The following TMEM244 variants were observed in gnomAD, a reference collection of about 807,000 sequenced individuals.
The protein encoded by TMEM244 is transmembrane protein 244.
In TMEM244, 13 loss-of-function variants were observed where a neutral mutation model predicts 15.8. That is an observed-to-expected ratio of 0.82 (90% CI 0.53 to 1.30). The LOEUF (loss-of-function observed/expected upper bound fraction) is 1.30. Among genes scored for constraint, TMEM244 ranks in the 50% most tolerant of loss-of-function variants. TMEM244 has a pLI of 0.00. For missense variants in TMEM244, 161 were observed against 144.9 expected (o/e 1.11, Z -0.57); for synonymous variants, 45 against 48.7 (o/e 0.92, Z 0.32).
chr6:129,845,284 G>A (rs968556633), intron 2 of TMEM244, among the ~76,000 whole-genome samples: 1 of 152,096 alleles, frequency 6.6e-6, no homozygotes, highest in South Asian at 2.1e-4. Context: ...TATTTAAATT[G>A]GATGTGGATG....
chr6:129,833,404 T>A, intron 4 of TMEM244, 56 bp downstream of exon 4: 1 of 1,564,940 alleles, frequency 6.4e-7, no homozygotes, highest in South Asian at 1.2e-5. Flanking sequence ...AAGTGGTTTA[T>A]GTCCAACATC....
At chr6:129,857,317 T>C (rs1004641406) in intron 1 of TMEM244, among the ~76,000 whole-genome samples, 3 of 148,638 alleles carry the variant, frequency 2.0e-5, no homozygotes, top group East Asian at 2.0e-4. Context: ...TATGTGTGTA[T>C]ACACACACAC....
chr6:129,850,639 A>T (rs1364203861), intron 1 of TMEM244, among the ~76,000 whole-genome samples: 2 of 152,226 alleles, frequency 1.3e-5, no homozygotes, highest in African/African-American at 2.4e-5. Context: ...GTAATTTAAA[A>T]TTTTTTAATA....
At chr6:129,831,464 C>A in intron 4 of TMEM244, 78 bp from the exon 5 acceptor site, 1 of 970,508 alleles carries the variant, frequency 1.0e-6, no homozygotes, top group South Asian at 1.4e-5. Flanking sequence ...TCTGTTTGGT[C>A]AAATTATATC....
At chr6:129,860,104 C>CGTGT (rs757397083) in intron 1 of TMEM244, among the ~76,000 whole-genome samples, 3,362 of 140,646 alleles carry the variant, frequency 0.024, 116 homozygotes, top group African/African-American at 0.068. Context: ...CTCTGCAATG[C>CGTGT]GTGTGTGTGT....
intron 3 of TMEM244, among the ~76,000 whole-genome samples, chr6:129,841,793 A>G (rs9321187): frequency 0.37 from 56,559 of 151,900 alleles, 11,022 homozygotes; most frequent in South Asian, 0.5. Flanking sequence ...CAGTGTCCTT[A>G]CTAAAATTGA....
chr6:129,849,034 T>C (rs1031860199), intron 1 of TMEM244, among the ~76,000 whole-genome samples: 6 of 152,102 alleles, frequency 3.9e-5, no homozygotes, highest in African/African-American at 1.4e-4. Context: ...AACATGAGGA[T>C]TGTACTACAA....
At chr6:129,840,101 A>G (rs9385522) in intron 3 of TMEM244, among the ~76,000 whole-genome samples, 56,326 of 151,736 alleles carry the variant, frequency 0.37, 10,884 homozygotes, top group South Asian at 0.5. Context: ...TATGGAACCA[A>G]AAAAGAGCCC....
intron 3 of TMEM244, among the ~76,000 whole-genome samples, chr6:129,838,119 A>G (rs1413914491): frequency 6.6e-6 from 1 of 152,242 alleles, no homozygotes; most frequent in African/African-American, 2.4e-5. Flanking sequence ...TGGAATATAC[A>G]TTCTTCTCAG....
In TMEM244 at chr6:129,831,346, AG is replaced by A. The variant is rs1562194161; in HGVS notation, c.359del (p.Ala120ValfsTer2). 6.3e-7 allele frequency: 1 copy of A among 1,578,010 alleles called. No homozygotes were observed. Among genetic ancestry groups the A allele is most frequent in the Non-Finnish European group, 8.7e-7 (1 of 1,146,174 alleles). ...EFPLTSHWWA[A>X]LGISKLLV ...AAACAAGCAATTTTGATATACCTAA[AG>A]CAGCCCACCAATGTGATGTCAAGGG... On this transcript the variant is annotated frameshift_variant, in exon 5 of 5. Transcript: ENST00000368143. LOFTEE classifies it high-confidence loss of function.
intron 3 of TMEM244, among the ~76,000 whole-genome samples, chr6:129,837,260 G>A (rs1026397042): frequency 6.6e-6 from 1 of 152,076 alleles, no homozygotes; most frequent in Non-Finnish European, 1.5e-5. Flanking sequence ...AAAGAGTGGG[G>A]GCCAATATTC....
intron 3 of TMEM244, among the ~76,000 whole-genome samples, chr6:129,840,713 A>G (rs1400582645): frequency 6.6e-6 from 1 of 152,216 alleles, no homozygotes; most frequent in Non-Finnish European, 1.5e-5. Context: ...TCTACAAAGA[A>G]CTTAAACAAA....
intron 1 of TMEM244, among the ~76,000 whole-genome samples, 159 bp downstream of exon 1, chr6:129,860,997 A>G (rs1015951393): frequency 6.6e-6 from 1 of 152,114 alleles, no homozygotes; most frequent in Non-Finnish European, 1.5e-5. Context: ...CCCTATTACC[A>G]CAAGATGCAA....
chr6:129,839,284 C>T (rs977663673), intron 3 of TMEM244, among the ~76,000 whole-genome samples: 2 of 152,290 alleles, frequency 1.3e-5, no homozygotes, highest in African/African-American at 2.4e-5. Context: ...ATATTCAAAT[C>T]AATAAACGTA....
intron 3 of TMEM244, among the ~76,000 whole-genome samples, chr6:129,837,887 A>G (rs1252176840): frequency 6.6e-6 from 1 of 152,258 alleles, no homozygotes; most frequent in African/African-American, 2.4e-5. Context: ...CTAAATATAT[A>G]TGCACACAAT....
chr6:129,847,037 A>G (rs1423629971), intron 1 of TMEM244, among the ~76,000 whole-genome samples: 1 of 152,238 alleles, frequency 6.6e-6, no homozygotes, highest in African/African-American at 2.4e-5. Flanking sequence ...ATAGGTTGGG[A>G]GAAAATATTT....
At chr6:129,833,317 G>T in intron 4 of TMEM244, 143 bp downstream of exon 4, 1 of 952,604 alleles carries the variant, frequency 1.0e-6, no homozygotes, top group Non-Finnish European at 1.4e-6. Context: ...TGGAAAGAGG[G>T]ATGAAGACCT....
At chr6:129,834,485 A>ACAT (rs763084612) in intron 3 of TMEM244, among the ~76,000 whole-genome samples, 8 of 114,792 alleles carry the variant, frequency 7.0e-5, no homozygotes, top group Non-Finnish European at 1.4e-4. Flanking sequence ...AATCTAAGCA[A>ACAT]ACTCTATATT....
In TMEM244 at chr6:129,834,186, T is replaced by C. The variant is rs540702193; in HGVS notation, c.194-601A>G. ...TCTAAATCCACTGGTAGTGACAGAG[T>C]AGTTTACCTGAACACGTATAAAGAG... On this transcript the variant is annotated intron_variant, in intron 3 of 4. Coordinates refer to ENST00000368143, the MANE Select transcript of TMEM244 (RefSeq NM_001010876.2). Among the ~76,000 whole-genome samples the C allele has an allele frequency of 1.2e-4, 19 of 152,230 alleles. No homozygotes were observed. The East Asian group carries it at 3.7e-3, about 29-fold the overall frequency.
Sources: allele counts gnomAD v4.1 joint callset (sites outside exome capture counted in the v4.1 genomes callset), GRCh38; gene constraint gnomAD v4.1.1; transcripts MANE v1.5; gene names NCBI Gene and HGNC (gene_info 2026-07-23, HGNC 2026-07-21).